Variants in FSIP1 observed in about 807,000 individuals in gnomAD.
The protein encoded by FSIP1 is fibrous sheath interacting protein 1, also known as fibrous sheath-interacting protein 1.
FSIP1 carries 65 observed loss-of-function variants against 60.9 expected under a neutral mutation model. That is an observed-to-expected ratio of 1.07 (90% CI 0.87 to 1.31). The LOEUF (loss-of-function observed/expected upper bound fraction) is 1.31, where lower values mean the gene tolerates loss of function less well. FSIP1 is among the 40% of genes most tolerant of loss of function. The pLI is 0.00. For synonymous variants in FSIP1, 209 were observed against 221.2 expected (o/e 0.94, Z 0.49); for missense variants, 675 against 665.5 (o/e 1.01, Z -0.16).
chr15:39,644,256 A>G (rs1892495286), intron 10 of FSIP1, among the ~76,000 whole-genome samples: 1 of 152,214 alleles, frequency 6.6e-6, no homozygotes, highest in African/African-American at 2.4e-5. Context: ...CCCTCGCTAC[A>G]GGAAAATGCA....
chr15:39,709,283 C>T (rs117642321), intron 10 of FSIP1, among the ~76,000 whole-genome samples: 113 of 152,286 alleles, frequency 7.4e-4, no homozygotes, highest in Non-Finnish European at 1.3e-3. Context: ...AAAGGATGTT[C>T]CATTGCAGGA....
intron 9 of FSIP1, among the ~76,000 whole-genome samples, chr15:39,719,826 G>A (rs1447239982): frequency 3.3e-5 from 5 of 152,204 alleles, no homozygotes; most frequent in African/African-American, 9.7e-5. Context: ...ACAGAGGAAA[G>A]CAAAGAAATA....
At chr15:39,731,052 T>A (rs1896385272) in intron 8 of FSIP1, among the ~76,000 whole-genome samples, 1 of 152,156 alleles carries the variant, frequency 6.6e-6, no homozygotes, top group Admixed American at 6.5e-5. Flanking sequence ...TGATAAAAAA[T>A]TTATTGTCAC....
intron 4 of FSIP1, among the ~76,000 whole-genome samples, chr15:39,765,087 C>T (rs1897634226): frequency 6.6e-6 from 1 of 152,122 alleles, no homozygotes; most frequent in Non-Finnish European, 1.5e-5. Flanking sequence ...ACCAAGTTTT[C>T]TTCTCAGGTT....
At chr15:39,707,990 G>C (rs753346352) in intron 10 of FSIP1, among the ~76,000 whole-genome samples, 1 of 152,206 alleles carries the variant, frequency 6.6e-6, no homozygotes. Context: ...AAGTACCAGA[G>C]ACAAACATCA....
chr15:39,680,607 G>A (rs1894122536), intron 10 of FSIP1, among the ~76,000 whole-genome samples: 1 of 152,204 alleles, frequency 6.6e-6, no homozygotes, highest in Admixed American at 6.5e-5. Context: ...GTAGATACAT[G>A]AGCATCAAGG....
chr15:39,649,648 T>G (rs1341159572), intron 10 of FSIP1, among the ~76,000 whole-genome samples: 1 of 152,156 alleles, frequency 6.6e-6, no homozygotes, highest in South Asian at 2.1e-4. Flanking sequence ...CATCCCTGCC[T>G]GACTCTACAC....
intron 10 of FSIP1, among the ~76,000 whole-genome samples, chr15:39,657,296 A>C (rs1216530234): frequency 6.9e-6 from 1 of 145,250 alleles, no homozygotes; most frequent in Non-Finnish European, 1.5e-5. Context: ...CAAGGACTTC[A>C]TGTCTTCAAT....
At chr15:39,673,479 A>ATT (rs57713872) in intron 10 of FSIP1, among the ~76,000 whole-genome samples, 2 of 150,766 alleles carry the variant, frequency 1.3e-5, no homozygotes, top group Admixed American at 1.3e-4. Context: ...ACACCTGGTT[A>ATT]TTTTTTTTTA....
chr15:39,650,307 T>C (rs1286253064), intron 10 of FSIP1, among the ~76,000 whole-genome samples: 4 of 152,224 alleles, frequency 2.6e-5, no homozygotes, highest in Admixed American at 2.0e-4. Context: ...ACAATCTTAT[T>C]TGGGAAATGT....
chr15:39,757,824 G>A (rs1276633475), intron 5 of FSIP1, among the ~76,000 whole-genome samples: 2 of 152,278 alleles, frequency 1.3e-5, no homozygotes, highest in East Asian at 1.9e-4. Context: ...AGAGTGAAGT[G>A]CAACAGACAT....
intron 10 of FSIP1, among the ~76,000 whole-genome samples, chr15:39,710,401 T>C (rs970356876): frequency 7.0e-6 from 1 of 143,750 alleles, no homozygotes; most frequent in African/African-American, 2.6e-5. Context: ...GAGGACTACC[T>C]GCACTCCAAC....
At chr15:39,619,722 A>G (rs1283909244) in intron 10 of FSIP1, among the ~76,000 whole-genome samples, 1 of 152,206 alleles carries the variant, frequency 6.6e-6, no homozygotes. Flanking sequence ...TACCTAAAAC[A>G]CACTTTCAAA....
At position 39,633,091 on chromosome 15, in the gene FSIP1, C is replaced by CTTTTTTTTTTTTTTTTTT. The variant is rs869063502; in HGVS notation, c.1189-14864_1189-14847dup. On this transcript the variant is annotated intron_variant, in intron 10 of 11. Coordinates refer to ENST00000350221, the MANE Select transcript of FSIP1 (RefSeq NM_152597.5). The stretch of plus-strand genomic sequence containing the variant: ...AATCTTCCCCACATAGGCTATACTT[C>CTTTTTTTTTTTTTTTTTT]TTTTTTTTTTTTTTTTTTTTGAGAT... Among the ~76,000 whole-genome samples, 36 of 112,888 alleles carry CTTTTTTTTTTTTTTTTTT rather than the reference C, an allele frequency of 3.2e-4. 3 individuals carry two copies. Among genetic ancestry groups the CTTTTTTTTTTTTTTTTTT allele is most frequent in the African/African-American group, 1.2e-3 (33 of 27,108 alleles). 74.1% of individuals were successfully genotyped at this position (112,888 alleles called of 152,430 possible). A position where few individuals can be genotyped will look rare whatever the true frequency, so the allele number is the denominator to read the frequency against.
At chr15:39,732,235 C>T (rs1429474108) in intron 8 of FSIP1, among the ~76,000 whole-genome samples, 1 of 152,202 alleles carries the variant, frequency 6.6e-6, no homozygotes, top group Non-Finnish European at 1.5e-5. Context: ...TCATCCCCTC[C>T]GGCTGTGCAG....
intron 3 of FSIP1, among the ~76,000 whole-genome samples, chr15:39,767,702 G>A (rs1290936381): frequency 1.3e-5 from 2 of 152,186 alleles, no homozygotes; most frequent in East Asian, 1.9e-4. Context: ...ACTACGGAAC[G>A]ATGCAGATGC....
chr15:39,649,958 G>T (rs1245197248), intron 10 of FSIP1, among the ~76,000 whole-genome samples: 1 of 152,150 alleles, frequency 6.6e-6, no homozygotes, highest in African/African-American at 2.4e-5. Flanking sequence ...CCACACTTTT[G>T]TTCCTGCTGG....
At chr15:39,752,283 G>C (rs921664207) in intron 5 of FSIP1, among the ~76,000 whole-genome samples, 1 of 151,876 alleles carries the variant, frequency 6.6e-6, no homozygotes. Context: ...TGGTAAGTTA[G>C]AGATCCAGTT....
intron 10 of FSIP1, among the ~76,000 whole-genome samples, chr15:39,695,564 A>G (rs1022373014): frequency 4.6e-5 from 7 of 152,180 alleles, no homozygotes; most frequent in African/African-American, 1.7e-4. Context: ...ATTCAATATT[A>G]CCATATTACT....
Sources: gnomAD v4.1 joint callset for allele counts (sites outside exome capture counted in the v4.1 genomes callset) on GRCh38, gnomAD v4.1.1 for gene constraint, MANE v1.5 for transcripts, NCBI Gene and HGNC (gene_info 2026-07-23, HGNC 2026-07-21) for gene names.